The following ITPR1 variants were observed in gnomAD, a reference collection of about 807,000 sequenced individuals.
The protein encoded by ITPR1 is inositol 1,4,5-trisphosphate-gated calcium channel ITPR1.
In ITPR1, 96 loss-of-function variants were observed where a neutral mutation model predicts 318.4. The observed-to-expected ratio is 0.30, with a 90% CI of 0.26 to 0.36. The LOEUF (loss-of-function observed/expected upper bound fraction) is 0.36, where lower values mean the gene tolerates loss of function less well. ITPR1 is among the 10% of genes least tolerant of loss of function. ITPR1 has a pLI of 1.00. For synonymous variants in ITPR1, 1,312 were observed against 1,289.9 expected (o/e 1.02, Z -0.37); for missense variants, 2,440 against 3,460.2 (o/e 0.71, Z 7.40).
At chr3:4,832,902 A>C in intron 60 of ITPR1, among the ~76,000 whole-genome samples, 1 of 152,282 alleles carries the variant, frequency 6.6e-6, no homozygotes, top group African/African-American at 2.4e-5. Flanking sequence ...GGCCCTTGGC[A>C]TGCTGATGGG....
At chr3:4,571,086 C>T (rs781351787) in intron 4 of ITPR1, among the ~76,000 whole-genome samples, 37 of 152,218 alleles carry the variant, frequency 2.4e-4, no homozygotes, top group Middle Eastern at 6.8e-3. Context: ...TGCACAAGTC[C>T]GTGAAGCCTT....
chr3:4,521,126 T>G (rs1559377563), intron 4 of ITPR1, 32 bp downstream of exon 4: 1 of 1,462,860 alleles, frequency 6.8e-7, no homozygotes, highest in East Asian at 2.3e-5. Context: ...AGTAGTCACC[T>G]TGACTCACTT....
In ITPR1 at chr3:4,836,948, A is replaced by G; in HGVS notation, c.8190+13A>G. On this transcript the variant is annotated intron_variant, in intron 61 of 61. Coordinates refer to ENST00000649015, the MANE Select transcript of ITPR1 (RefSeq NM_001378452.1). ...ATTAAAGGATCAGGTAAAGAAAGAAAATCCCAGCGCCTACCCTCCCATCAC... is the reference window on the plus strand; with the variant it reads ...ATTAAAGGATCAGGTAAAGAAAGAAGATCCCAGCGCCTACCCTCCCATCAC... 1 of 1,563,488 alleles carries G rather than the reference A, an allele frequency of 6.4e-7. No individual in the cohort carries two copies. The highest frequency in any genetic ancestry group is 8.7e-7 in the Non-Finnish European group (1 of 1,144,276).
chr3:4,499,962 G>A (rs1178160765), intron 2 of ITPR1, among the ~76,000 whole-genome samples: 12 of 152,192 alleles, frequency 7.9e-5, no homozygotes, highest in Non-Finnish European at 1.8e-4. Flanking sequence ...GATGTTGGAT[G>A]TCTACTCTTG....
intron 44 of ITPR1, among the ~76,000 whole-genome samples, chr3:4,740,391 A>C (rs767075758): frequency 3.9e-5 from 6 of 152,246 alleles, no homozygotes; most frequent in African/African-American, 1.4e-4. Context: ...GTCCTGCCTT[A>C]GGATAAGCTC....
intron 4 of ITPR1, among the ~76,000 whole-genome samples, chr3:4,534,261 C>A (rs2083662890): frequency 6.6e-6 from 1 of 152,156 alleles, no homozygotes. Context: ...CCCGTACCAC[C>A]CCCACACCTT....
intron 3 of ITPR1, among the ~76,000 whole-genome samples, chr3:4,517,703 C>G (rs1021790483): frequency 6.6e-6 from 1 of 152,196 alleles, no homozygotes; most frequent in Admixed American, 6.5e-5. Context: ...TGACCTCTCT[C>G]CATTATGGAC....
intron 32 of ITPR1, among the ~76,000 whole-genome samples, chr3:4,692,155 A>T (rs1191055041): frequency 6.9e-6 from 1 of 144,234 alleles, no homozygotes; most frequent in African/African-American, 2.5e-5. Flanking sequence ...GAAAAAAAAT[A>T]AAAAAAAGAG....
At chr3:4,679,252 C>T (rs1338051329) in intron 24 of ITPR1, among the ~76,000 whole-genome samples, 1 of 152,210 alleles carries the variant, frequency 6.6e-6, no homozygotes. Flanking sequence ...TGTTAGCGCT[C>T]TCCAGAGAAA....
At chr3:4,512,603 G>A (rs1191818019) in intron 2 of ITPR1, among the ~76,000 whole-genome samples, 3 of 152,112 alleles carry the variant, frequency 2.0e-5, no homozygotes, top group African/African-American at 7.2e-5. Flanking sequence ...TTAAACAGGG[G>A]ATCCTTTACT....
At chr3:4,540,483 G>C (rs773851035) in intron 4 of ITPR1, among the ~76,000 whole-genome samples, 1 of 152,066 alleles carries the variant, frequency 6.6e-6, no homozygotes, top group African/African-American at 2.4e-5. Context: ...TACATTTGTT[G>C]TAATGTATTT....
intron 44 of ITPR1, among the ~76,000 whole-genome samples, chr3:4,744,358 C>G (rs1233857105): frequency 1.3e-5 from 2 of 152,220 alleles, no homozygotes; most frequent in Non-Finnish European, 2.9e-5. Flanking sequence ...CTCTTCCTAA[C>G]TTTCTTTAGT....
Position 4,814,455 on chromosome 3 carries a change from A to AAAG in ITPR1, c.7596_7598dup (p.Glu2533dup). The stretch of plus-strand genomic sequence containing the variant: ...CCCTGCAGAAGAGACGGAACAGGAT[A>AAAG]AAGAGCACACATGTGAGACGCTGCT... On this transcript the variant is annotated inframe_insertion, in exon 58 of 62. Coordinates refer to ENST00000649015, the MANE Select transcript of ITPR1 (RefSeq NM_001378452.1). 1 of 1,613,956 alleles carries AAAG rather than the reference A, an allele frequency of 6.2e-7. No homozygotes were observed. The highest frequency in any genetic ancestry group is 1.3e-5 in the African/African-American group (1 of 75,046).
chr3:4,777,214 C>A, intron 47 of ITPR1, 50 bp from the exon 48 acceptor site: 1 of 1,132,318 alleles, frequency 8.8e-7, no homozygotes. Flanking sequence ...CCTTTGACGT[C>A]TGATTTATGA....
chr3:4,768,366 C>A, intron 45 of ITPR1, 145 bp from the exon 46 acceptor site: 1 of 904,898 alleles, frequency 1.1e-6, no homozygotes, highest in Non-Finnish European at 1.6e-6. Flanking sequence ...GGACTGAGAG[C>A]AGATTGTGAC....
chr3:4,668,156 T>A (rs564132173), intron 18 of ITPR1, among the ~76,000 whole-genome samples: 1 of 152,210 alleles, frequency 6.6e-6, no homozygotes, highest in African/African-American at 2.4e-5. Flanking sequence ...CAGTAGGTCT[T>A]ATTCATTCTG....
Position 4,644,867 on chromosome 3 carries a change from C to T in ITPR1, c.625-520C>T, listed in dbSNP as rs142463486. Reference sequence around the variant, plus strand: ...TTCCTTATCTCTGAAATGGGGGCGGCGGTCGGACCTATTTTTCAGGGTGTT... The same window carrying T: ...TTCCTTATCTCTGAAATGGGGGCGGTGGTCGGACCTATTTTTCAGGGTGTT... On this transcript the variant is annotated intron_variant, in intron 8 of 61. Transcript: ENST00000649015. Among the ~76,000 whole-genome samples the T allele has an allele frequency of 3.5e-3, 530 of 152,238 alleles. 4 individuals are homozygous for T. The highest frequency in any genetic ancestry group is 0.011 in the African/African-American group (467 of 41,544).
At chr3:4,812,239 T>C (rs913554873) in intron 56 of ITPR1, among the ~76,000 whole-genome samples, 2 of 152,138 alleles carry the variant, frequency 1.3e-5, no homozygotes, top group Non-Finnish European at 2.9e-5. Context: ...GTTCTTGCCA[T>C]GTTGCCCAGG....
At chr3:4,732,949 A>G in intron 42 of ITPR1, 139 bp from the exon 43 acceptor site, 1 of 846,756 alleles carries the variant, frequency 1.2e-6, no homozygotes, top group Non-Finnish European at 1.9e-6. Context: ...GAGTTTCTAA[A>G]TGCTTCCATG....
Sources: allele counts gnomAD v4.1 joint callset (sites outside exome capture counted in the v4.1 genomes callset), GRCh38; gene constraint gnomAD v4.1.1; transcripts MANE v1.5; gene names NCBI Gene and HGNC (gene_info 2026-07-23, HGNC 2026-07-21).